RGS9: variants seen among roughly 807,000 people sequenced by gnomAD.
The protein encoded by RGS9 is regulator of G-protein signalling 9.
RGS9 carries 78 observed loss-of-function variants against 102.0 expected under a neutral mutation model. That is an observed-to-expected ratio of 0.76 (90% CI 0.64 to 0.92). RGS9 has a LOEUF of 0.92. Among genes scored for constraint, RGS9 ranks in the 40% least tolerant of loss-of-function variants. The pLI is 0.00. For missense variants in RGS9, 833 were observed against 866.1 expected (o/e 0.96, Z 0.48); for synonymous variants, 353 against 318.6 (o/e 1.11, Z -1.15).
chr17:65,184,324 A>C (rs962278187), intron 9 of RGS9, among the ~76,000 whole-genome samples: 2 of 152,202 alleles, frequency 1.3e-5, no homozygotes, highest in Admixed American at 6.5e-5. Context: ...TTTGAATTTC[A>C]GATAAGCAAT....
chr17:65,222,794 C>G (rs1158884667), intron 17 of RGS9, among the ~76,000 whole-genome samples: 2 of 152,194 alleles, frequency 1.3e-5, no homozygotes, highest in Non-Finnish European at 2.9e-5. Flanking sequence ...TCTCAGATGT[C>G]AGCTAGAAAT....
In RGS9 at chr17:65,160,699, C is replaced by T. The variant is rs959017624; in HGVS notation, c.364+112C>T. 4 of 1,406,808 alleles carry T rather than the reference C, an allele frequency of 2.8e-6. No individual in the cohort carries two copies. In the East Asian group the frequency reaches 9.4e-5, roughly 33 times the overall value. The allele number at this position is 1,406,808 out of a possible 1,614,324, so 87.1% of individuals were successfully genotyped here. ...TGTCATCATGACCTTTCTGTCAGTCCACATCTGTACTGGGCATGTCCCCAG... is the reference window on the plus strand; with the variant it reads ...TGTCATCATGACCTTTCTGTCAGTCTACATCTGTACTGGGCATGTCCCCAG... On this transcript the variant is annotated intron_variant, in intron 5 of 18. Coordinates refer to ENST00000262406, the MANE Select transcript of RGS9 (RefSeq NM_003835.4).
intron 8 of RGS9, among the ~76,000 whole-genome samples, chr17:65,175,905 T>C (rs938533652): frequency 6.6e-5 from 10 of 152,242 alleles, no homozygotes; most frequent in Non-Finnish European, 1.3e-4. Context: ...AGTATAAATA[T>C]ATAATAAGCA....
intron 17 of RGS9, among the ~76,000 whole-genome samples, chr17:65,215,497 G>GCTCT (rs1913477237): frequency 7.5e-6 from 1 of 133,554 alleles, no homozygotes; most frequent in Non-Finnish European, 1.6e-5. Context: ...TCGTTCTTTC[G>GCTCT]TTCTTTCTTT....
In RGS9 at chr17:65,168,238, T is replaced by G; in HGVS notation, c.539T>G (p.Leu180Arg). 4.3e-6 allele frequency: 7 copies of G among 1,611,740 alleles called. No individual in the cohort carries two copies. Among genetic ancestry groups the G allele is most frequent in the Non-Finnish European group, 5.9e-6 (7 of 1,179,114 alleles). ...AGGAACAAAGCAGACAGATATGCCC[T>G]GGACTGCCAGGAGAAGGCATACTGG... Reference protein sequence around the residue: ...KERNKADRYALDCQEKAYWLV... With the variant: ...KERNKADRYARDCQEKAYWLV... Residue 180 changes from leucine to arginine, a missense_variant, in exon 8 of 19, where the codon CTG becomes CGG. By Grantham distance (102) the Leu-to-Arg change is moderately radical. Transcript: ENST00000262406.
chr17:65,150,152 G>C (rs1018220624), intron 1 of RGS9, among the ~76,000 whole-genome samples: 1 of 152,188 alleles, frequency 6.6e-6, no homozygotes, highest in Admixed American at 6.5e-5. Flanking sequence ...CCAGCTGCAC[G>C]CAGCAGCCCA....
intron 17 of RGS9, among the ~76,000 whole-genome samples, chr17:65,221,694 G>A (rs1258040921): frequency 2.6e-5 from 4 of 152,298 alleles, no homozygotes; most frequent in South Asian, 2.1e-4. Context: ...AACACTTCCC[G>A]CGGTTCTGAA....
At chr17:65,205,236 C>T (rs1215068164) in intron 15 of RGS9, among the ~76,000 whole-genome samples, 2 of 152,218 alleles carry the variant, frequency 1.3e-5, no homozygotes, top group African/African-American at 2.4e-5. Context: ...CCATCCTTGA[C>T]AAGACTTTCT....
intron 17 of RGS9, among the ~76,000 whole-genome samples, chr17:65,215,753 G>T (rs564500692): frequency 5.3e-5 from 8 of 151,844 alleles, no homozygotes; most frequent in East Asian, 1.9e-4. Flanking sequence ...TAGAGACAGG[G>T]TTTCACCATG....
chr17:65,226,853 G>A (rs1015318778), intron 18 of RGS9, among the ~76,000 whole-genome samples: 6 of 152,078 alleles, frequency 3.9e-5, no homozygotes, highest in South Asian at 2.1e-4. Context: ...GACCTCAGGC[G>A]ATCCGCCTGT....
chr17:65,200,281 C>G (rs1054810983), intron 13 of RGS9, among the ~76,000 whole-genome samples: 1 of 152,174 alleles, frequency 6.6e-6, no homozygotes, highest in African/African-American at 2.4e-5. Context: ...CCGCCCCCCT[C>G]AGCCTCCCAA....
At chr17:65,172,925 T>C (rs1911474284) in intron 8 of RGS9, among the ~76,000 whole-genome samples, 2 of 150,408 alleles carry the variant, frequency 1.3e-5, no homozygotes, top group Admixed American at 6.6e-5. Flanking sequence ...TTTCTTTCTT[T>C]CTTTCTTTTT....
intron 9 of RGS9, among the ~76,000 whole-genome samples, chr17:65,181,261 C>T: frequency 6.6e-6 from 1 of 152,210 alleles, no homozygotes; most frequent in Non-Finnish European, 1.5e-5. Flanking sequence ...TCATTCCCAC[C>T]AGAAGCATAT....
intron 18 of RGS9, among the ~76,000 whole-genome samples, 164 bp from the exon 19 acceptor site, chr17:65,227,111 C>G (rs1037213282): frequency 1.3e-5 from 2 of 152,210 alleles, no homozygotes; most frequent in African/African-American, 4.8e-5. Flanking sequence ...GCACACACAA[C>G]CTTTGTAGTC....
chr17:65,171,868 C>T (rs903820863), intron 8 of RGS9, among the ~76,000 whole-genome samples: 1 of 152,220 alleles, frequency 6.6e-6, no homozygotes, highest in South Asian at 2.1e-4. Flanking sequence ...AGAAAGTGCT[C>T]CCTTAGACAG....
At chr17:65,203,771 C>T (rs1056387039) in intron 14 of RGS9, among the ~76,000 whole-genome samples, 16 of 152,036 alleles carry the variant, frequency 1.1e-4, no homozygotes, top group Admixed American at 9.2e-4. Flanking sequence ...GAGCAGAGAC[C>T]CCCAGAACAC....
chr17:65,170,288 C>G (rs781040098), intron 8 of RGS9, among the ~76,000 whole-genome samples: 1 of 152,058 alleles, frequency 6.6e-6, no homozygotes, highest in Non-Finnish European at 1.5e-5. Flanking sequence ...CTCCTGACCT[C>G]GTGATCTGCC....
chr17:65,161,398 T>C (rs1389504121), intron 6 of RGS9, among the ~76,000 whole-genome samples: 1 of 152,032 alleles, frequency 6.6e-6, no homozygotes, highest in Non-Finnish European at 1.5e-5. Context: ...ATTACAGGCG[T>C]GTGCCACCAC....
At chr17:65,202,415 G>A (rs980315530) in intron 14 of RGS9, among the ~76,000 whole-genome samples, 1 of 128,146 alleles carries the variant, frequency 7.8e-6, no homozygotes, top group Non-Finnish European at 1.6e-5. Flanking sequence ...AGGGGTGTGT[G>A]TGTGTGTGTG....
Sources: allele counts gnomAD v4.1 joint callset (sites outside exome capture counted in the v4.1 genomes callset), GRCh38; gene constraint gnomAD v4.1.1; transcripts MANE v1.5; gene names NCBI Gene and HGNC (gene_info 2026-07-23, HGNC 2026-07-21).